Variants in PDZD2 observed in about 807,000 individuals in gnomAD.
PDZD2 encodes PDZ domain-containing protein 2.
A neutral mutation model predicts 220.7 loss-of-function variants in PDZD2; 90 were observed. The ratio of observed to expected loss-of-function variants is 0.41; its 90% confidence interval spans 0.34 to 0.49. The LOEUF is 0.49. Ranked by LOEUF, PDZD2 falls within the 20% of genes least tolerant of loss-of-function variation. The pLI is 0.28. For missense variants in PDZD2, 3,174 were observed against 3,608.5 expected, an observed-to-expected ratio of 0.88 and a Z score of 3.08; for synonymous variants, 1,375 against 1,450.5, an observed-to-expected ratio of 0.95 and a Z score of 1.18.
intron 1 of PDZD2, among the ~76,000 whole-genome samples, chr5:31,730,508 A>C (rs1749459156): frequency 6.6e-6 from 1 of 152,014 alleles, no homozygotes; most frequent in African/African-American, 2.4e-5. Context: ...AGGACAAGTC[A>C]GCCAAGGAAT....
chr5:31,905,140 T>C (rs1742528877), intron 2 of PDZD2, among the ~76,000 whole-genome samples: 1 of 152,024 alleles, frequency 6.6e-6, no homozygotes, highest in South Asian at 2.1e-4. Flanking sequence ...GGCTAATTTT[T>C]TGTATTTTTT....
rs1197441707 is a variant in PDZD2, at chr5:32,087,275, G to A, written c.3827G>A (p.Cys1276Tyr). ...CCTGCATCGCCCAGGGTCACCAAGT[G>A]CAAGGCCAGGTCTCCAGTCAGGCTC... ...SQPASPRVTK[C>Y]KARSPVRLPH... Residue 1276 changes from cysteine to tyrosine, a missense_variant, in exon 20 of 25, where the codon TGC becomes TAC. Physicochemically the swap from Cys to Tyr is radical, Grantham distance 194 (BLOSUM62 -2). This residue lies in a region of PDZD2 where 1,861 missense variants were observed against 2,001.0 expected (regional missense o/e 0.93). Transcript: ENST00000438447. This position sits in a 1 kb window ranked among gnomAD's most constrained non-coding sequence, Gnocchi z 4.0. 3 of 1,614,196 alleles carry A rather than the reference G, an allele frequency of 1.9e-6. No individual in the cohort carries two copies. Among genetic ancestry groups the A allele is most frequent in the Non-Finnish European group, 1.7e-6 (2 of 1,180,016 alleles).
intron 19 of PDZD2, among the ~76,000 whole-genome samples, chr5:32,078,827 GGTGTGTAT>G (rs944923538): frequency 2.0e-5 from 3 of 151,134 alleles, no homozygotes; most frequent in East Asian, 1.9e-4. Context: ...AAAAGTGTGG[GGTGTGTAT>G]GTGTGTATGT....
intron 1 of PDZD2, among the ~76,000 whole-genome samples, chr5:31,664,600 A>T (rs1745910006): frequency 1.3e-5 from 2 of 152,232 alleles, no homozygotes; most frequent in African/African-American, 4.8e-5. Flanking sequence ...CTTGTGATTC[A>T]TACGACGGCA....
chr5:31,678,726 CCT>C (rs1292111335), intron 1 of PDZD2, among the ~76,000 whole-genome samples: 1 of 152,162 alleles, frequency 6.6e-6, no homozygotes, highest in African/African-American at 2.4e-5. Context: ...CCCACCTCAG[CCT>C]CTCGAGTGTC....
intron 21 of PDZD2, among the ~76,000 whole-genome samples, chr5:32,095,013 G>A (rs968291822): frequency 4.6e-5 from 7 of 152,198 alleles, no homozygotes; most frequent in Non-Finnish European, 1.0e-4. Flanking sequence ...CTCATTCTGA[G>A]ACCACCAGTC....
At chr5:31,995,477 A>G (rs1751552203) in intron 3 of PDZD2, 99 bp from the exon 4 acceptor site, 3 of 1,202,294 alleles carry the variant, frequency 2.5e-6, no homozygotes, top group African/African-American at 1.5e-5. Context: ...TCTGTGGACA[A>G]GTGATGGATA....
chr5:31,715,043 A>C (rs1748357328), intron 1 of PDZD2, among the ~76,000 whole-genome samples: 1 of 92,660 alleles, frequency 1.1e-5, no homozygotes, highest in Non-Finnish European at 2.2e-5. Context: ...TAGGCAACAG[A>C]GCGACACTCT....
intron 1 of PDZD2, among the ~76,000 whole-genome samples, chr5:31,755,965 G>A (rs1473321038): frequency 1.3e-5 from 2 of 152,040 alleles, no homozygotes; most frequent in East Asian, 3.9e-4. Flanking sequence ...ATTGGGTCTC[G>A]GTATTTGCTA....
chr5:31,698,199 C>T (rs1032468820), intron 1 of PDZD2, among the ~76,000 whole-genome samples: 15 of 150,716 alleles, frequency 1.0e-4, no homozygotes, highest in East Asian at 8.1e-4. Context: ...CCACCGCACC[C>T]GGCCCCTTCC....
At position 31,663,158 on chromosome 5, in the gene PDZD2, A is replaced by T. The variant is rs543593051; in HGVS notation, c.-361+23721A>T. ...GATCTAAATTAAGCTACCCATAAAA[A>T]ATATCCTGTTTCTGTTAGGAATAAG... On this transcript the variant is annotated intron_variant, in intron 1 of 24. Transcript: ENST00000438447. 3.9e-5 allele frequency among the ~76,000 whole-genome samples: 6 copies of T among 152,226 alleles called. 1 individual carries two copies. The highest frequency in any genetic ancestry group is 2.6e-4 in the Admixed American group (4 of 15,280).
intron 17 of PDZD2, 146 bp from the exon 18 acceptor site, chr5:32,073,686 C>T: frequency 1.5e-6 from 1 of 684,338 alleles, no homozygotes; most frequent in East Asian, 2.5e-5. Flanking sequence ...GCCATGTTGC[C>T]TAGGCCTTGT....
chr5:31,944,575 GAGAGGAAATGTGGGAAAATCCCAGA>G (rs1746471543), intron 2 of PDZD2, among the ~76,000 whole-genome samples: 1 of 152,228 alleles, frequency 6.6e-6, no homozygotes, highest in Non-Finnish European at 1.5e-5. Context: ...GATGTTCCAG[GAGAGGAAATGTGGGAAAATCCCAGA>G]AGACAGACTT....
At chr5:31,797,588 C>T (rs1321925370) in intron 1 of PDZD2, among the ~76,000 whole-genome samples, 2 of 152,098 alleles carry the variant, frequency 1.3e-5, no homozygotes, top group Non-Finnish European at 2.9e-5. Context: ...CCGCCTAACC[C>T]TCCCAAAGTG....
In PDZD2 at chr5:32,088,227, G is replaced by T; in HGVS notation, c.4779G>T (p.Glu1593Asp). Residue 1593 changes from glutamate (E) to aspartate (D), a missense_variant, in exon 20 of 25, where the codon GAG (glutamate) becomes GAT (aspartate). Glu to Asp is a conservative substitution (Grantham distance 45, BLOSUM62 2). Around this residue, in one of 4 missense-constraint regions of PDZD2, gnomAD observed 1,861 missense variants for 2,001.0 expected, o/e 0.93. Coordinates refer to ENST00000438447, the MANE Select transcript of PDZD2 (RefSeq NM_178140.4). The surrounding 1 kb of genome is among the most constrained non-coding windows in gnomAD (Gnocchi z 4.6). The part of the protein sequence containing the change: ...RVSLHKEDPS[E>D]SEEEQIEICS... ...CTTTGCACAAGGAAGATCCTTCGGA[G>T]TCAGAAGAGGAACAGATTGAGATTT... is the stretch of plus-strand genomic sequence containing the variant. The T allele has an allele frequency of 6.2e-7, 1 of 1,614,170 alleles. No individual in the cohort carries two copies. Among genetic ancestry groups the T allele is most frequent in the Non-Finnish European group, 8.5e-7 (1 of 1,180,038 alleles).
chr5:31,786,544 C>A (rs1753389927), intron 1 of PDZD2, among the ~76,000 whole-genome samples: 1 of 152,188 alleles, frequency 6.6e-6, no homozygotes, highest in African/African-American at 2.4e-5. Context: ...TTGGCAGATA[C>A]TCAAAGTCTG....
At chr5:31,823,709 T>G (rs776746302) in intron 2 of PDZD2, among the ~76,000 whole-genome samples, 1 of 152,106 alleles carries the variant, frequency 6.6e-6, no homozygotes, top group Non-Finnish European at 1.5e-5. Flanking sequence ...GCTTGGAAGA[T>G]ATAGGAGCAG....
chr5:31,806,208 A>C (rs1754704651), intron 2 of PDZD2, among the ~76,000 whole-genome samples: 1 of 152,194 alleles, frequency 6.6e-6, no homozygotes, highest in South Asian at 2.1e-4. Context: ...TCTGAGAACC[A>C]TGTGTGTGTT....
intron 2 of PDZD2, among the ~76,000 whole-genome samples, chr5:31,969,678 G>A (rs1749117516): frequency 6.6e-6 from 1 of 151,996 alleles, no homozygotes; most frequent in Non-Finnish European, 1.5e-5. Flanking sequence ...GTCCTAAACT[G>A]ATTTATGGTG....
Sources: gnomAD v4.1 joint callset for allele counts (sites outside exome capture counted in the v4.1 genomes callset) on GRCh38, gnomAD v4.1.1 for gene constraint, gnomAD v4.1.1 regional missense constraint, Gnocchi (gnomAD v3.1) non-coding constraint, MANE v1.5 for transcripts, NCBI Gene and HGNC (gene_info 2026-07-23, HGNC 2026-07-21) for gene names.